The following ROBO2 variants were observed in gnomAD, a reference collection of about 807,000 sequenced individuals.
ROBO2 encodes the protein roundabout guidance receptor 2.
A neutral mutation model predicts 160.8 loss-of-function variants in ROBO2; 53 were observed. The observed-to-expected ratio is 0.33, with a 90% CI of 0.26 to 0.41. The LOEUF (loss-of-function observed/expected upper bound fraction) is 0.41. ROBO2 is among the 10% of genes least tolerant of loss of function. The probability of loss-of-function intolerance (pLI) is 1.00; values close to 1 mark genes in which losing one functional copy is unlikely to be tolerated. For synonymous variants in ROBO2, 664 were observed against 611.7 expected, an observed-to-expected ratio of 1.09 and a Z score of -1.26; for missense variants, 1,577 against 1,722.4, an observed-to-expected ratio of 0.92 and a Z score of 1.49.
At chr3:76,739,090 G>T (rs1390675823) in intron 2 of ROBO2, among the ~76,000 whole-genome samples, 1 of 152,086 alleles carries the variant, frequency 6.6e-6, no homozygotes, top group East Asian at 1.9e-4. Context: ...CAGGGATCTA[G>T]AACTAGAAAT....
At chr3:76,803,776 G>A (rs1175774068) in intron 2 of ROBO2, among the ~76,000 whole-genome samples, 1 of 152,088 alleles carries the variant, frequency 6.6e-6, no homozygotes, top group Non-Finnish European at 1.5e-5. Context: ...ATTTATATAA[G>A]TGCTTTTAAC....
chr3:76,583,001 T>C (rs2085798650), intron 2 of ROBO2, among the ~76,000 whole-genome samples: 1 of 148,714 alleles, frequency 6.7e-6, no homozygotes, highest in Admixed American at 6.7e-5. Context: ...GTTTCCTTGG[T>C]GTGTGTTTAA....
intron 2 of ROBO2, among the ~76,000 whole-genome samples, chr3:76,163,097 C>T (rs1018841791): frequency 7.9e-5 from 12 of 152,038 alleles, no homozygotes; most frequent in Non-Finnish European, 1.5e-4. Context: ...CATGAAGGAT[C>T]ATAACAAGTG....
intron 2 of ROBO2, among the ~76,000 whole-genome samples, chr3:76,867,023 C>A (rs2071445072): frequency 6.6e-6 from 1 of 152,118 alleles, no homozygotes; most frequent in Non-Finnish European, 1.5e-5. Flanking sequence ...ACAGTAGCTA[C>A]ATTTTAACTC....
chr3:76,995,637 A>G (rs1386303095), intron 2 of ROBO2, among the ~76,000 whole-genome samples: 6 of 151,976 alleles, frequency 3.9e-5, no homozygotes, highest in Non-Finnish European at 7.4e-5. Flanking sequence ...TTTAATGATC[A>G]CCATTCTAAC....
At chr3:77,304,649 G>A (rs1232365100) in intron 2 of ROBO2, among the ~76,000 whole-genome samples, 2 of 152,128 alleles carry the variant, frequency 1.3e-5, no homozygotes, top group African/African-American at 4.8e-5. Flanking sequence ...GGCACATACC[G>A]CATCTCACGA....
At chr3:76,260,426 G>A (rs1025375636) in intron 2 of ROBO2, among the ~76,000 whole-genome samples, 1 of 152,022 alleles carries the variant, frequency 6.6e-6, no homozygotes. Context: ...CATCTACAGA[G>A]GTCAAATTTG....
chr3:77,181,436 C>G (rs2150849230), intron 2 of ROBO2, among the ~76,000 whole-genome samples: 1 of 152,120 alleles, frequency 6.6e-6, no homozygotes, highest in Middle Eastern at 3.4e-3. Flanking sequence ...GAGAATACGG[C>G]TCTGAATTTA....
chr3:76,406,975 A>T (rs1414840225), intron 2 of ROBO2, among the ~76,000 whole-genome samples: 1 of 147,964 alleles, frequency 6.8e-6, no homozygotes, highest in Admixed American at 6.8e-5. Context: ...CCCCACATAA[A>T]CTGGCCAGAC....
chr3:76,273,910 T>A (rs1343874366), intron 2 of ROBO2, among the ~76,000 whole-genome samples: 1 of 152,110 alleles, frequency 6.6e-6, no homozygotes, highest in Non-Finnish European at 1.5e-5. Flanking sequence ...ACATCCAAGA[T>A]GAAGGTGCCT....
intron 2 of ROBO2, among the ~76,000 whole-genome samples, chr3:76,770,240 T>C (rs908363241): frequency 6.6e-6 from 1 of 151,304 alleles, no homozygotes; most frequent in Admixed American, 6.6e-5. Context: ...TGGCTTAGGA[T>C]TGTAAACTAT....
intron 2 of ROBO2, among the ~76,000 whole-genome samples, chr3:76,239,203 G>C: frequency 6.6e-6 from 1 of 152,066 alleles, no homozygotes; most frequent in East Asian, 1.9e-4. Flanking sequence ...ATTTTTTTAA[G>C]GGAGGGCAAC....
chr3:77,214,569 G>T (rs2084662552), intron 2 of ROBO2, among the ~76,000 whole-genome samples: 1 of 152,076 alleles, frequency 6.6e-6, no homozygotes, highest in South Asian at 2.1e-4. Context: ...GGAGCATTTA[G>T]CCCCTTTACA....
chr3:75,979,812 T>C (rs2107437829), intron 2 of ROBO2, among the ~76,000 whole-genome samples: 1 of 151,754 alleles, frequency 6.6e-6, no homozygotes, highest in East Asian at 2.0e-4. Flanking sequence ...TTCCAAAGTA[T>C]AAATTTTGTA....
intron 2 of ROBO2, among the ~76,000 whole-genome samples, chr3:76,573,216 ATTTG>A (rs2085061279): frequency 6.6e-6 from 1 of 152,016 alleles, no homozygotes; most frequent in African/African-American, 2.4e-5. Context: ...CAGCCATGTG[ATTTG>A]GGCAATTTCC....
intron 2 of ROBO2, among the ~76,000 whole-genome samples, chr3:76,944,838 C>A (rs2078414851): frequency 6.6e-6 from 1 of 151,692 alleles, no homozygotes; most frequent in African/African-American, 2.4e-5. Context: ...TATTCTTTAA[C>A]CTTCCTGCCA....
intron 6 of ROBO2, among the ~76,000 whole-genome samples, chr3:77,524,999 G>T (rs530878917): frequency 6.6e-6 from 1 of 151,190 alleles, no homozygotes; most frequent in Admixed American, 6.6e-5. Context: ...ATTAGGAAAA[G>T]CATTTGGGTT....
At chr3:77,425,008 A>G (rs1175473624) in intron 2 of ROBO2, among the ~76,000 whole-genome samples, 2 of 152,210 alleles carry the variant, frequency 1.3e-5, no homozygotes, top group Admixed American at 1.3e-4. Context: ...ACCATAGATA[A>G]AGAGAGATAC....
At chr3:77,312,912 T>C (rs1487721213) in intron 2 of ROBO2, among the ~76,000 whole-genome samples, 1 of 152,228 alleles carries the variant, frequency 6.6e-6, no homozygotes, top group Non-Finnish European at 1.5e-5. Context: ...CTAAAAAATC[T>C]GTGTCCTTTA....
Sources: gnomAD v4.1 joint callset for allele counts (sites outside exome capture counted in the v4.1 genomes callset) on GRCh38, gnomAD v4.1.1 for gene constraint, MANE v1.5 for transcripts, NCBI Gene and HGNC (gene_info 2026-07-23, HGNC 2026-07-21) for gene names.